PRICKLE2: variants seen among roughly 807,000 people sequenced by gnomAD.
The protein encoded by PRICKLE2 is prickle planar cell polarity protein 2.
In PRICKLE2, 21 loss-of-function variants were observed where a neutral mutation model predicts 81.4. The observed-to-expected ratio is 0.26, with a 90% confidence interval of 0.18 to 0.37. The LOEUF is 0.37. Ranked by LOEUF, PRICKLE2 falls within the 10% of genes least tolerant of loss-of-function variation. The pLI, the probability that PRICKLE2 is intolerant of heterozygous loss-of-function variation, is 1.00. For synonymous variants in PRICKLE2, 456 were observed against 421.5 expected (o/e 1.08, Z -1.00); for missense variants, 940 against 1,109.0 (o/e 0.85, Z 2.16).
chr3:64,146,886 G>T lies in PRICKLE2; in HGVS notation c.1604C>A (p.Pro535His). The T allele has an allele frequency of 6.2e-7, 1 of 1,614,142 alleles. No homozygotes were observed. The highest frequency in any genetic ancestry group is 1.7e-5 in the Admixed American group (1 of 60,020). The change falls in exon 7 of 8, where the codon CCC becomes CAC. Residue 535 changes from proline to histidine, a missense_variant. By Grantham distance (77) the Pro-to-His change is moderately conservative. Around this residue, in one of 2 missense-constraint regions of PRICKLE2, gnomAD observed 670 missense variants for 717.2 expected, o/e 0.93. Coordinates refer to ENST00000638394, the MANE Select transcript of PRICKLE2 (RefSeq NM_198859.4). ...SSLKYTEDMT[P>H]TEQTPRGSME... ...GGAGCCCCGAGGGGTCTGCTCTGTGGGCGTCATGTCCTCTGTGTATTTCAG... is the reference window on the plus strand; with the variant it reads ...GGAGCCCCGAGGGGTCTGCTCTGTGTGCGTCATGTCCTCTGTGTATTTCAG...
chr3:64,217,345 A>G (rs556797666), intron 1 of PRICKLE2, among the ~76,000 whole-genome samples: 1 of 152,336 alleles, frequency 6.6e-6, no homozygotes, highest in African/African-American at 2.4e-5. Context: ...TTTAATTTGT[A>G]TAAATTTAGG....
chr3:64,193,236 G>A (rs2078379360), intron 2 of PRICKLE2, among the ~76,000 whole-genome samples: 1 of 152,164 alleles, frequency 6.6e-6, no homozygotes, highest in Non-Finnish European at 1.5e-5. Flanking sequence ...GCTCCATGGT[G>A]CTCAATGATG....
chr3:64,201,408 AT>A (rs2078576737), intron 1 of PRICKLE2, among the ~76,000 whole-genome samples: 1 of 152,130 alleles, frequency 6.6e-6, no homozygotes. Flanking sequence ...CACATTTGTT[AT>A]TGTCTGTCTT....
At chr3:64,109,573 G>T (rs1217490008) in intron 7 of PRICKLE2, among the ~76,000 whole-genome samples, 1 of 151,834 alleles carries the variant, frequency 6.6e-6, no homozygotes, top group Non-Finnish European at 1.5e-5. Flanking sequence ...GAAAGGGGAG[G>T]CCAAGCCCTG....
chr3:64,159,433 A>G (rs1034868078), intron 4 of PRICKLE2, among the ~76,000 whole-genome samples: 1 of 152,110 alleles, frequency 6.6e-6, no homozygotes, highest in Non-Finnish European at 1.5e-5. Context: ...AATTCTTCCA[A>G]TGGCTCACCC....
chr3:64,165,642 G>C (rs1403785291), intron 2 of PRICKLE2, among the ~76,000 whole-genome samples: 1 of 152,084 alleles, frequency 6.6e-6, no homozygotes, highest in Non-Finnish European at 1.5e-5. Context: ...AGAGTAGCAG[G>C]AACTACCAGC....
At chr3:64,153,593 ATTAAC>A (rs1387387205) in intron 5 of PRICKLE2, 6 of 543,422 alleles carry the variant, frequency 1.1e-5, no homozygotes, top group South Asian at 4.2e-5. Context: ...CTAGCCAGTA[ATTAAC>A]TTAACCACAT....
chr3:64,115,245 C>T (rs2076916172), intron 7 of PRICKLE2, among the ~76,000 whole-genome samples: 1 of 152,188 alleles, frequency 6.6e-6, no homozygotes, highest in South Asian at 2.1e-4. Flanking sequence ...TCTGTAAAAA[C>T]ACACTGAAGT....
intron 7 of PRICKLE2, among the ~76,000 whole-genome samples, chr3:64,118,290 G>C (rs1287678645): frequency 6.6e-6 from 1 of 152,166 alleles, no homozygotes. Flanking sequence ...CACGGGCAAA[G>C]ATTTCATGAT....
intron 2 of PRICKLE2, among the ~76,000 whole-genome samples, chr3:64,168,084 T>C (rs984021226): frequency 6.6e-6 from 1 of 152,200 alleles, no homozygotes; most frequent in Non-Finnish European, 1.5e-5. Flanking sequence ...AGATATATGA[T>C]TCAGCAGGGG....
chr3:64,117,555 C>A (rs2076955416), intron 7 of PRICKLE2, among the ~76,000 whole-genome samples: 1 of 152,038 alleles, frequency 6.6e-6, no homozygotes, highest in South Asian at 2.1e-4. Flanking sequence ...TATATACCAA[C>A]AATAGTCAAG....
At chr3:64,118,660 C>A (rs556429801) in intron 7 of PRICKLE2, among the ~76,000 whole-genome samples, 2 of 152,004 alleles carry the variant, frequency 1.3e-5, no homozygotes, top group South Asian at 4.2e-4. Flanking sequence ...TATCTCATAC[C>A]CATCAGAATG....
At chr3:64,144,730 A>G (rs1434081500) in intron 7 of PRICKLE2, among the ~76,000 whole-genome samples, 2 of 152,266 alleles carry the variant, frequency 1.3e-5, no homozygotes, top group African/African-American at 4.8e-5. Flanking sequence ...GTGGACCGAC[A>G]TATGGCCCTG....
At chr3:64,181,220 G>A (rs78021784) in intron 2 of PRICKLE2, among the ~76,000 whole-genome samples, 2 of 152,054 alleles carry the variant, frequency 1.3e-5, no homozygotes, top group African/African-American at 4.8e-5. Context: ...CCTGGCTCAC[G>A]ACAGAGTCTT....
intron 5 of PRICKLE2, chr3:64,154,014 T>G (rs762399910): frequency 5.8e-5 from 9 of 154,394 alleles, no homozygotes; most frequent in Non-Finnish European, 1.0e-4. Context: ...ATTTCAAAAT[T>G]TACTATAAAG....
In PRICKLE2 at chr3:64,147,612, A is replaced by G. The variant is rs1200688078; in HGVS notation, c.878T>C (p.Leu293Pro). ...FCCAHCKKSL[L>P]GRPFLPKQGQ... ...CTGCTTCGGGAGGAATGGCCGCCCCAGGAGGGATTTCTTGCAGTGAGCACA... is the reference window on the plus strand; with the variant it reads ...CTGCTTCGGGAGGAATGGCCGCCCCGGGAGGGATTTCTTGCAGTGAGCACA... The change falls in exon 7 of 8, where the codon CTG becomes CCG. Residue 293 changes from leucine (L) to proline (P), a missense_variant. Physicochemically the swap from Leu to Pro is moderately conservative, Grantham distance 98. Transcript: ENST00000638394. The surrounding 1 kb of genome is among the most constrained non-coding windows in gnomAD (Gnocchi z 5.0). 1 of 1,614,172 alleles carries G rather than the reference A, an allele frequency of 6.2e-7. No homozygotes were observed. Among genetic ancestry groups the G allele is most frequent in the Non-Finnish European group, 8.5e-7 (1 of 1,180,028 alleles).
At chr3:64,231,051 C>T (rs920111601) in intron 2 of PRICKLE2, among the ~76,000 whole-genome samples, 3 of 152,154 alleles carry the variant, frequency 2.0e-5, no homozygotes, top group African/African-American at 4.8e-5. Flanking sequence ...TAATTTGGTA[C>T]ACTTTAAATT....
chr3:64,265,103 T>C (rs1030692712), intron 2 of PRICKLE2, among the ~76,000 whole-genome samples: 2 of 152,020 alleles, frequency 1.3e-5, no homozygotes, highest in African/African-American at 4.8e-5. Flanking sequence ...CCTTTGCTGG[T>C]CACACAGAGG....
intron 2 of PRICKLE2, among the ~76,000 whole-genome samples, chr3:64,195,690 A>C (rs1024559677): frequency 2.6e-5 from 4 of 152,230 alleles, no homozygotes; most frequent in African/African-American, 9.6e-5. Context: ...AAAAACCTTT[A>C]AATTCATAAA....
Sources: gnomAD v4.1 joint callset for allele counts (sites outside exome capture counted in the v4.1 genomes callset) on GRCh38, gnomAD v4.1.1 for gene constraint, gnomAD v4.1.1 regional missense constraint, Gnocchi (gnomAD v3.1) non-coding constraint, MANE v1.5 for transcripts, NCBI Gene and HGNC (gene_info 2026-07-23, HGNC 2026-07-21) for gene names.